CHTF18: variants seen among roughly 807,000 people sequenced by gnomAD.
CHTF18 encodes chromosome transmission fidelity factor 18, also known as chromosome transmission fidelity protein 18 homolog.
In CHTF18, 151 loss-of-function variants were observed where a neutral mutation model predicts 113.4. That is an observed-to-expected ratio of 1.33 (90% CI 1.17 to 1.52). The LOEUF is 1.52. Ranked by LOEUF, CHTF18 falls within the 40% of genes most tolerant of loss-of-function variation. CHTF18 has a pLI of 0.00. For missense variants in CHTF18, 1,982 were observed against 1,381.6 expected, an observed-to-expected ratio of 1.43 and a Z score of -6.89; for synonymous variants, 916 against 598.8, an observed-to-expected ratio of 1.53 and a Z score of -7.74.
chr16:789,963 C>T (rs532285240), intron 4 of CHTF18: 111 of 1,534,206 alleles, frequency 7.2e-5, no homozygotes, highest in Middle Eastern at 1.7e-4. Flanking sequence ...TGCTTTTGCC[C>T]TTTCCTCCTT....
At chr16:793,351 G>C (rs2042254476) in intron 14 of CHTF18, 77 bp downstream of exon 14, 1 of 1,533,282 alleles carries the variant, frequency 6.5e-7, no homozygotes, top group Non-Finnish European at 8.8e-7. Flanking sequence ...GTGCAGGCCA[G>C]CACTACCTTC....
At position 789,034 on chromosome 16, in the gene CHTF18, C is replaced by A; in HGVS notation, c.195C>A (p.Pro65=). ...ALARGDAASS[P]APAASVGSSQ... Reference sequence around the variant, plus strand: ...CCAGAGGGGACGCGGCCTCCAGTCCCGCCCCAGCCGCATCTGTGGGCAGCA... The same window carrying A: ...CCAGAGGGGACGCGGCCTCCAGTCCAGCCCCAGCCGCATCTGTGGGCAGCA... The change falls in exon 2 of 22, where the codon CCC becomes CCA. Residue 65 remains proline, a synonymous_variant. Coordinates refer to ENST00000262315, the MANE Select transcript of CHTF18 (RefSeq NM_022092.3). 1.3e-6 allele frequency: 2 copies of A among 1,536,458 alleles called. No individual in the cohort carries two copies. The highest frequency in any genetic ancestry group is 2.2e-4 in the Middle Eastern group (1 of 4,618).
At chr16:789,991 C>T (rs770782618) in intron 4 of CHTF18, 186 bp from the exon 5 acceptor site, 42 of 1,535,222 alleles carry the variant, frequency 2.7e-5, no homozygotes, top group Admixed American at 9.8e-5. Context: ...AAGCTGCCCC[C>T]AATTTCCCTT....
chr16:792,750 A>T lies in CHTF18; in HGVS notation c.1511A>T (p.Gln504Leu). Residue 504 changes from glutamine (Q) to leucine (L), a missense_variant, in exon 12 of 22, where the codon CAG (glutamine) becomes CTG (leucine). Coordinates refer to ENST00000262315, the MANE Select transcript of CHTF18 (RefSeq NM_022092.3). ...FAPSLRQLKQQAFLLHFPPTL... is the reference protein window; with the variant it reads ...FAPSLRQLKQLAFLLHFPPTL... ...CCGTCCCTGCGGCAGCTGAAGCAGC[A>T]GGCCTTCCTGCTCCACTTCCCGCCG... is the stretch of plus-strand genomic sequence containing the variant. 4 of 1,552,644 alleles carry T rather than the reference A, an allele frequency of 2.6e-6. No individual in the cohort carries two copies. The highest frequency in any genetic ancestry group is 2.6e-6 in the Non-Finnish European group (3 of 1,153,464).
In CHTF18 at chr16:793,278, G is replaced by C. The variant is rs1596761116; in HGVS notation, c.1802+4G>C. 6.2e-7 allele frequency: 1 copy of C among 1,606,128 alleles called. No individual in the cohort carries two copies. The highest frequency in any genetic ancestry group is 8.5e-7 in the Non-Finnish European group (1 of 1,178,100). On this transcript the variant is annotated splice_donor_region_variant and intron_variant, in intron 14 of 21. Coordinates refer to ENST00000262315, the MANE Select transcript of CHTF18 (RefSeq NM_022092.3). Reference sequence around the variant, plus strand: ...TCCAGCTGCCTCGAGCCCAGAGGTAGGCGGTGGCCACAGCCTCGGCCCAGA... The same window carrying C: ...TCCAGCTGCCTCGAGCCCAGAGGTACGCGGTGGCCACAGCCTCGGCCCAGA...
Position 790,173 on chromosome 16 carries a change from A to C in CHTF18, c.607-4A>C, listed in dbSNP as rs755844362. 1.6e-5 allele frequency: 25 copies of C among 1,591,326 alleles called. No individual in the cohort carries two copies. The highest frequency in any genetic ancestry group is 2.0e-5 in the Non-Finnish European group (23 of 1,170,052). Reference sequence around the variant, plus strand: ...CAGAGGCAATTGTCCTCCCTTCCCCACAGGGCTCTCTCCTCCACGTCCCAT... The same window carrying C: ...CAGAGGCAATTGTCCTCCCTTCCCCCCAGGGCTCTCTCCTCCACGTCCCAT... On this transcript the variant is annotated splice_polypyrimidine_tract_variant and splice_region_variant and intron_variant, in intron 4 of 21. Coordinates refer to ENST00000262315, the MANE Select transcript of CHTF18 (RefSeq NM_022092.3).
chr16:790,924 C>T (rs1404750469), intron 7 of CHTF18: 1 of 1,432,808 alleles, frequency 7.0e-7, no homozygotes, highest in Non-Finnish European at 9.1e-7. Context: ...TTCACAGCAG[C>T]TGACACTGGA....
Position 796,793 on chromosome 16 carries a change from G to A in CHTF18, c.2533G>A (p.Ala845Thr), listed in dbSNP as rs549342924. Residue 845 changes from alanine (A) to threonine (T), a missense_variant, in exon 19 of 22, where the codon GCC becomes ACC. Transcript: ENST00000262315. Reference sequence around the variant, plus strand: ...CACCTACCAGACGAAGCAGCTCATCGCCCGCGAGATCGAGGTGGAGAAGAT... The same window carrying A: ...CACCTACCAGACGAAGCAGCTCATCACCCGCGAGATCGAGGTGGAGAAGAT... The part of the protein sequence containing the change: ...PLTYQTKQLI[A>T]REIEVEKMRR... 6 of 1,610,858 alleles carry A rather than the reference G, an allele frequency of 3.7e-6. No homozygotes were observed. The highest frequency in any genetic ancestry group is 2.2e-5 in the East Asian group (1 of 44,862).
At chr16:789,461 C>T (rs1312957518) in intron 3 of CHTF18, 86 bp from the exon 4 acceptor site, 16 of 1,537,692 alleles carry the variant, frequency 1.0e-5, no homozygotes, top group South Asian at 3.7e-5. Context: ...GGGGAGGGTT[C>T]CATGGCTGAG....
chr16:795,935 C>G lies in CHTF18; in HGVS notation c.2326-12C>G, dbSNP rs750623703. The G allele has an allele frequency of 6.2e-7, 1 of 1,603,734 alleles. No homozygotes were observed. Among genetic ancestry groups the G allele is most frequent in the Non-Finnish European group, 8.5e-7 (1 of 1,173,570 alleles). Reference sequence around the variant, plus strand: ...CTGCTCAGCTCCCTGTCTGCTGCCTCCCATCCCCTAGGTGAGCACACAGCT... The same window carrying G: ...CTGCTCAGCTCCCTGTCTGCTGCCTGCCATCCCCTAGGTGAGCACACAGCT... On this transcript the variant is annotated splice_polypyrimidine_tract_variant and intron_variant, in intron 17 of 21. Coordinates refer to ENST00000262315, the MANE Select transcript of CHTF18 (RefSeq NM_022092.3).
intron 7 of CHTF18, 39 bp downstream of exon 7, chr16:790,705 C>T (rs752740385): frequency 4.4e-5 from 66 of 1,494,854 alleles, no homozygotes; most frequent in Admixed American, 7.0e-5. Context: ...CTGGCTTCCT[C>T]TGTTCCCAAG....
intron 15 of CHTF18, chr16:794,861 T>TGTCAGTCTCTGTCAA (rs141120377): frequency 3.2e-5 from 16 of 494,390 alleles, no homozygotes; most frequent in Admixed American, 3.7e-5. Flanking sequence ...CACCCCCTCG[T>TGTCAGTCTCTGTCAA]GTCAGTCTCT....
Position 792,477 on chromosome 16 carries a change from G to C in CHTF18, c.1365G>C (p.Lys455Asn). The C allele has an allele frequency of 6.3e-7, 1 of 1,585,404 alleles. No individual in the cohort carries two copies. The highest frequency in any genetic ancestry group is 8.6e-7 in the Non-Finnish European group (1 of 1,166,376). The change falls in exon 11 of 22, where the codon AAG becomes AAC. Residue 455 changes from lysine to asparagine, a missense_variant. Transcript: ENST00000262315. Reference sequence around the variant, plus strand: ...TCCTCCTGAGCATCCTGAACCGCAAGGGGCCACAGGAGGTGGGGCCACAGG... The same window carrying C: ...TCCTCCTGAGCATCCTGAACCGCAACGGGCCACAGGAGGTGGGGCCACAGG... ...INVLLSILNR[K>N]GPQEVGPQGP...
In CHTF18 at chr16:795,316, G is replaced by A. The variant is rs1799388153; in HGVS notation, c.2135G>A (p.Ser712Asn). 1 of 1,548,260 alleles carries A rather than the reference G, an allele frequency of 6.5e-7. No individual in the cohort carries two copies. The highest frequency in any genetic ancestry group is 8.7e-7 in the Non-Finnish European group (1 of 1,146,628). ...GCCTTCCATGTGCTGTTTGCTTCCA[G>A]CCACACACCCAGGATCACCTTCCCC... ...PVAFHVLFASSHTPRITFPSS... is the reference protein window; with the variant it reads ...PVAFHVLFASNHTPRITFPSS... Residue 712 changes from serine (S) to asparagine (N), a missense_variant, in exon 16 of 22, where the codon AGC becomes AAC. By Grantham distance (46) the Ser-to-Asn change is conservative. Coordinates refer to ENST00000262315, the MANE Select transcript of CHTF18 (RefSeq NM_022092.3).
Position 791,518 on chromosome 16 carries a change from C to T in CHTF18, c.1104+148C>T, listed in dbSNP as rs113712337. The T allele has an allele frequency of 3.1e-4, 439 of 1,438,690 alleles. No homozygotes were observed. In the African/African-American group the frequency reaches 5.7e-3, roughly 19 times the overall value. The allele number at this position is 1,438,690 out of a possible 1,614,324, so 89.1% of individuals were successfully genotyped here. ...GAAGCGCCATTAGCGTGAGTTAGAA[C>T]TGGAGCGTTGCAGTAACAACTCGGG... On this transcript the variant is annotated intron_variant, in intron 8 of 21. Transcript: ENST00000262315.
intron 18 of CHTF18, among the ~76,000 whole-genome samples, chr16:796,377 G>A (rs1250577650): frequency 1.3e-5 from 2 of 152,226 alleles, no homozygotes; most frequent in Admixed American, 1.3e-4. Context: ...TTCCCGCTGT[G>A]GGATGGCCAT....
At chr16:794,268 C>T (rs1426034340) in intron 15 of CHTF18, 67 bp downstream of exon 15, 1 of 1,554,700 alleles carries the variant, frequency 6.4e-7, no homozygotes, top group Non-Finnish European at 8.8e-7. Flanking sequence ...TGCCCCTGCC[C>T]CTGCCGGTCC....
At chr16:795,401 C>G (rs1401106529) in intron 16 of CHTF18, 45 bp downstream of exon 16, 1 of 1,454,142 alleles carries the variant, frequency 6.9e-7, no homozygotes, top group African/African-American at 1.5e-5. Flanking sequence ...CCCGTGCCCG[C>G]CCCCCTGTGC....
intron 7 of CHTF18, 98 bp downstream of exon 7, chr16:790,764 C>G: frequency 6.9e-7 from 1 of 1,442,242 alleles, no homozygotes; most frequent in Non-Finnish European, 9.1e-7. Context: ...TCCACTGGGC[C>G]TCGGAGACGG....
Sources: allele counts gnomAD v4.1 joint callset (sites outside exome capture counted in the v4.1 genomes callset), GRCh38; gene constraint gnomAD v4.1.1; transcripts MANE v1.5; gene names NCBI Gene and HGNC (gene_info 2026-07-23, HGNC 2026-07-21).